RAB6D: variants seen among roughly 807,000 people sequenced by gnomAD.
The protein encoded by RAB6D is RAB6D, member RAS oncogene family.
Under a neutral mutation model 17.5 loss-of-function variants are expected in RAB6D, and 11 were observed. The observed-to-expected ratio is 0.63, with a 90% CI of 0.39 to 1.04. RAB6D has a LOEUF of 1.04. Among genes scored for constraint, RAB6D ranks in the 50% least tolerant of loss-of-function variants. RAB6D has a pLI of 0.00. For missense variants in RAB6D, 163 were observed against 315.1 expected (o/e 0.52, Z 3.65); for synonymous variants, 68 against 122.6 (o/e 0.55, Z 2.94).
rs1453935455 is a variant in RAB6D, at chr2:131,361,286, T to C, written c.*1670A>G. 6.0e-6 allele frequency: 1 copy of C among 167,060 alleles called. No homozygotes were observed. Among genetic ancestry groups the C allele is most frequent in the South Asian group, 2.1e-4 (1 of 4,824 alleles). 10.3% of individuals were successfully genotyped at this position (167,060 alleles called of 1,614,324 possible). A position where few individuals can be genotyped will look rare whatever the true frequency, so the allele number is the denominator to read the frequency against. ...ATCTGTAAGCATTTCTCTATTCAGA[T>C]CCATAATCCAAGTGCTCTCTGAATA... On this transcript the variant is annotated 3_prime_UTR_variant, in exon 1 of 1. Transcript: ENST00000623617.
rs1409324472 is a variant in RAB6D, at chr2:131,362,418, GTA to G, written c.*536_*537del. ...ATGTTCTGCTACTTATAAGTACTCA[GTA>G]TGTTCTTTAGGACTCATTTTGAAGA... On this transcript the variant is annotated 3_prime_UTR_variant, in exon 1 of 1. Transcript: ENST00000623617. The G allele has an allele frequency of 5.8e-6, 1 of 172,852 alleles. No homozygotes were observed. The highest frequency in any genetic ancestry group is 1.4e-5 in the Non-Finnish European group (1 of 71,228). 10.7% of individuals were successfully genotyped at this position (172,852 alleles called of 1,614,324 possible). A position where few individuals can be genotyped will look rare whatever the true frequency, so the allele number is the denominator to read the frequency against.
rs1703422786 is a variant in RAB6D at position 131,361,421 on chromosome 2, T to C, written c.*1535A>G. 1.2e-5 allele frequency: 2 copies of C among 167,110 alleles called. No homozygotes were observed. The highest frequency in any genetic ancestry group is 4.8e-5 in the African/African-American group (2 of 41,462). The allele number at this position is 167,110 out of a possible 1,614,324, so 10.4% of individuals were successfully genotyped here. A position where few individuals can be genotyped will look rare whatever the true frequency, so the allele number is the denominator to read the frequency against. ...ATGAGGGGATGAGGAAGTATGAAGATATTTTTGTTGTCTTTTCATCTTTAT... is the reference window on the plus strand; with the variant it reads ...ATGAGGGGATGAGGAAGTATGAAGACATTTTTGTTGTCTTTTCATCTTTAT... On this transcript the variant is annotated 3_prime_UTR_variant, in exon 1 of 1. Coordinates refer to ENST00000623617, the MANE Select transcript of RAB6D (RefSeq NM_001077637.3).
Position 131,363,434 on chromosome 2 carries a change from G to T in RAB6D, c.287C>A (p.Thr96Lys). The T allele has an allele frequency of 6.2e-7, 1 of 1,612,396 alleles. No individual in the cohort carries two copies. Among genetic ancestry groups the T allele is most frequent in the Middle Eastern group, 1.7e-4 (1 of 6,056 alleles). The stretch of plus-strand genomic sequence containing the variant: ...AGTTTGCTGGAATGAGTTAACATTT[G>T]TGATATCGTAAACTACTACAGCTGC... ...SAAAVVVYDI[T>K]NVNSFQQTTK... Residue 96 changes from threonine (T) to lysine (K), a missense_variant, in exon 1 of 1, where the codon ACA becomes AAA. Physicochemically the swap from Thr to Lys is moderately conservative, Grantham distance 78. Coordinates refer to ENST00000623617, the MANE Select transcript of RAB6D (RefSeq NM_001077637.3).
chr2:131,362,603 A>G lies in RAB6D; in HGVS notation c.*353T>C, dbSNP rs1703437566. The G allele has an allele frequency of 9.5e-6, 2 of 210,000 alleles. No individual in the cohort carries two copies. Among genetic ancestry groups the G allele is most frequent in the South Asian group, 1.1e-4 (1 of 9,490 alleles). The allele number at this position is 210,000 out of a possible 1,614,324, so 13.0% of individuals were successfully genotyped here. Reference sequence around the variant, plus strand: ...GTGGTATCTGTAAAATTAAAGGATAATTCCAGTGGGCTTGGTCGGACTGCT... The same window carrying G: ...GTGGTATCTGTAAAATTAAAGGATAGTTCCAGTGGGCTTGGTCGGACTGCT... On this transcript the variant is annotated 3_prime_UTR_variant, in exon 1 of 1. Transcript: ENST00000623617.
rs1404003437 is a variant in RAB6D, at chr2:131,363,176, T to C, written c.545A>G (p.Asp182Gly). 5.0e-6 allele frequency: 8 copies of C among 1,611,808 alleles called. No individual in the cohort carries two copies. The highest frequency in any genetic ancestry group is 1.3e-5 in the African/African-American group (1 of 74,302). Residue 182 changes from aspartate (D) to glycine (G), a missense_variant, in exon 1 of 1, where the codon GAC becomes GGC. Asp to Gly is a moderately conservative substitution (Grantham distance 94). Transcript: ENST00000623617. ...GTCACTCATGTCTTCTCTGCTTCCG[T>C]CCTGTGTGCTTTCCATTCCCGGCAA... Reference protein sequence around the residue: ...AALPGMESTQDGSREDMSDIK... With the variant: ...AALPGMESTQGGSREDMSDIK...
chr2:131,361,750 A>G lies in RAB6D; in HGVS notation c.*1206T>C, dbSNP rs1181148568. 6.0e-6 allele frequency: 1 copy of G among 167,114 alleles called. No homozygotes were observed. The highest frequency in any genetic ancestry group is 6.5e-5 in the Admixed American group (1 of 15,292). 10.4% of individuals were successfully genotyped at this position (167,114 alleles called of 1,614,324 possible). ...AAAAAAGATTAATCGTAGCTTAAATATAAAACTAAATCATTAGTTAATTAA... is the reference window on the plus strand; with the variant it reads ...AAAAAAGATTAATCGTAGCTTAAATGTAAAACTAAATCATTAGTTAATTAA... On this transcript the variant is annotated 3_prime_UTR_variant, in exon 1 of 1. Transcript: ENST00000623617.
rs1703439782 is a variant in RAB6D, at chr2:131,362,806, C to G, written c.*150G>C. 1.7e-5 allele frequency: 17 copies of G among 996,658 alleles called. No homozygotes were observed. The highest frequency in any genetic ancestry group is 2.5e-5 in the Non-Finnish European group (17 of 687,778). The allele number at this position is 996,658 out of a possible 1,614,324, so 61.7% of individuals were successfully genotyped here. ...TTGAGATTTCCATCATTTTGAAGTA[C>G]ATTATCATAACATTAAAAAAGAAAA... On this transcript the variant is annotated 3_prime_UTR_variant, in exon 1 of 1. Coordinates refer to ENST00000623617, the MANE Select transcript of RAB6D (RefSeq NM_001077637.3).
Position 131,362,000 on chromosome 2 carries a change from C to A in RAB6D, c.*956G>T, listed in dbSNP as rs1156992801. 2.4e-5 allele frequency: 4 copies of A among 167,026 alleles called. No homozygotes were observed. The highest frequency in any genetic ancestry group is 1.9e-4 in the East Asian group (1 of 5,196). 10.3% of individuals were successfully genotyped at this position (167,026 alleles called of 1,614,324 possible). On this transcript the variant is annotated 3_prime_UTR_variant, in exon 1 of 1. Transcript: ENST00000623617. The stretch of plus-strand genomic sequence containing the variant: ...AAATGTCCTGAGCAAAGTTTTTGCT[C>A]TTCTGCTGAGGGTTCTTTTGTTGGT...
rs1312627802 is a variant in RAB6D, at chr2:131,361,686, G to A, written c.*1270C>T. On this transcript the variant is annotated 3_prime_UTR_variant, in exon 1 of 1. Coordinates refer to ENST00000623617, the MANE Select transcript of RAB6D (RefSeq NM_001077637.3). ...AGATTCAACGAAACATCTAAAAATT[G>A]AAAGTTGTTAAAAAAAAAGCAAAGA... 4.2e-5 allele frequency: 4 copies of A among 96,006 alleles called. No individual in the cohort carries two copies. The highest frequency in any genetic ancestry group is 1.3e-4 in the Non-Finnish European group (4 of 30,198). 5.9% of individuals were successfully genotyped at this position (96,006 alleles called of 1,614,324 possible).
Position 131,362,775 on chromosome 2 carries a change from A to T in RAB6D, c.*181T>A. ...ACTGCTCGTTAACCAAGCCATACTC[A>T]TACTGTTGAGATTTCCATCATTTTG... is the stretch of plus-strand genomic sequence containing the variant. On this transcript the variant is annotated 3_prime_UTR_variant, in exon 1 of 1. Transcript: ENST00000623617. The T allele has an allele frequency of 1.6e-6, 1 of 637,716 alleles. No homozygotes were observed. The highest frequency in any genetic ancestry group is 2.8e-5 in the East Asian group (1 of 36,030). The allele number at this position is 637,716 out of a possible 1,614,324, so 39.5% of individuals were successfully genotyped here.
rs758521041 is a variant in RAB6D at position 131,363,138 on chromosome 2, T to C, written c.583A>G (p.Lys195Glu). ...TCGCTGACTGTTTGCTCCTGAGGCT[T>C]TTCCAGTTTTATGTCACTCATGTCT... ...REDMSDIKLE[K>E]PQEQTVSEGG... The change falls in exon 1 of 1, where the codon AAG becomes GAG. Residue 195 changes from lysine to glutamate, a missense_variant. This residue lies in a region of RAB6D where 144 missense variants were observed against 244.4 expected (regional missense o/e 0.59). Coordinates refer to ENST00000623617, the MANE Select transcript of RAB6D (RefSeq NM_001077637.3). 1.6e-5 allele frequency: 26 copies of C among 1,607,880 alleles called. No homozygotes were observed. The South Asian group carries it at 2.8e-4, about 17-fold the overall frequency.
In RAB6D at chr2:131,361,732, A is replaced by AT. The variant is rs1460832933; in HGVS notation, c.*1223dup. On this transcript the variant is annotated 3_prime_UTR_variant, in exon 1 of 1. Coordinates refer to ENST00000623617, the MANE Select transcript of RAB6D (RefSeq NM_001077637.3). ...AAAGAAATATCACCAAAGAAAAAAG[A>AT]TTAATCGTAGCTTAAATATAAAACT... The AT allele has an allele frequency of 6.0e-6, 1 of 167,084 alleles. No homozygotes were observed. Among genetic ancestry groups the AT allele is most frequent in the African/African-American group, 2.4e-5 (1 of 41,454 alleles). The allele number at this position is 167,084 out of a possible 1,614,324, so 10.4% of individuals were successfully genotyped here.
rs571410458 is a variant in RAB6D, at chr2:131,363,966, T to G, written c.-246A>C. ...GCGGCTGGGAAGGGAAGGAGGGCGG[T>G]GTCGGCAGGAGCCAGGGGTGTGCTT... On this transcript the variant is annotated 5_prime_UTR_variant, in exon 1 of 1. Transcript: ENST00000623617. 2 of 631,218 alleles carry G rather than the reference T, an allele frequency of 3.2e-6. No individual in the cohort carries two copies. Among genetic ancestry groups the G allele is most frequent in the East Asian group, 5.5e-5 (2 of 36,108 alleles). 39.1% of individuals were successfully genotyped at this position (631,218 alleles called of 1,614,324 possible).
In RAB6D at chr2:131,362,806, C is replaced by T; in HGVS notation, c.*150G>A. Reference sequence around the variant, plus strand: ...TTGAGATTTCCATCATTTTGAAGTACATTATCATAACATTAAAAAAGAAAA... The same window carrying T: ...TTGAGATTTCCATCATTTTGAAGTATATTATCATAACATTAAAAAAGAAAA... On this transcript the variant is annotated 3_prime_UTR_variant, in exon 1 of 1. Coordinates refer to ENST00000623617, the MANE Select transcript of RAB6D (RefSeq NM_001077637.3). The T allele has an allele frequency of 3.0e-6, 3 of 996,658 alleles. No individual in the cohort carries two copies. The highest frequency in any genetic ancestry group is 1.6e-5 in the African/African-American group (1 of 60,844). 61.7% of individuals were successfully genotyped at this position (996,658 alleles called of 1,614,324 possible). A position where few individuals can be genotyped will look rare whatever the true frequency, so the allele number is the denominator to read the frequency against.
At position 131,361,116 on chromosome 2, in the gene RAB6D, G is replaced by C. The variant is rs1441503282; in HGVS notation, c.*1840C>G. Reference sequence around the variant, plus strand: ...TAAAGAGTATGACCCATCTGCCACAGTGAATCAATATTTATTTCAGGACAT... The same window carrying C: ...TAAAGAGTATGACCCATCTGCCACACTGAATCAATATTTATTTCAGGACAT... On this transcript the variant is annotated 3_prime_UTR_variant, in exon 1 of 1. Transcript: ENST00000623617. 3 of 167,084 alleles carry C rather than the reference G, an allele frequency of 1.8e-5. No homozygotes were observed. The highest frequency in any genetic ancestry group is 4.4e-5 in the Non-Finnish European group (3 of 68,108). The allele number at this position is 167,084 out of a possible 1,614,324, so 10.4% of individuals were successfully genotyped here. A position where few individuals can be genotyped will look rare whatever the true frequency, so the allele number is the denominator to read the frequency against.
Position 131,362,821 on chromosome 2 carries a change from A to T in RAB6D, c.*135T>A. On this transcript the variant is annotated 3_prime_UTR_variant, in exon 1 of 1. Coordinates refer to ENST00000623617, the MANE Select transcript of RAB6D (RefSeq NM_001077637.3). ...TTTTGAAGTACATTATCATAACATT[A>T]AAAAAGAAAAAAAATGTTAAGAAAA... 1 of 1,304,332 alleles carries T rather than the reference A, an allele frequency of 7.7e-7. No individual in the cohort carries two copies. Among genetic ancestry groups the T allele is most frequent in the South Asian group, 1.6e-5 (1 of 63,440 alleles). The allele number at this position is 1,304,332 out of a possible 1,614,324, so 80.8% of individuals were successfully genotyped here.
At position 131,362,952 on chromosome 2, in the gene RAB6D, T is replaced by C. The variant is rs759911615; in HGVS notation, c.*4A>G. ...ACTTTTTTTGTGCTTGTCAAGCTAA[T>C]AGATCATCTCCACGAGACAGGCAGC... is the stretch of plus-strand genomic sequence containing the variant. On this transcript the variant is annotated 3_prime_UTR_variant, in exon 1 of 1. Coordinates refer to ENST00000623617, the MANE Select transcript of RAB6D (RefSeq NM_001077637.3). The C allele has an allele frequency of 1.6e-5, 25 of 1,606,140 alleles. 1 individual carries two copies. The South Asian group carries it at 2.3e-4, about 15-fold the overall frequency.
rs1017303346 is a variant in RAB6D at position 131,361,785 on chromosome 2, A to G, written c.*1171T>C. 4 of 167,102 alleles carry G rather than the reference A, an allele frequency of 2.4e-5. No individual in the cohort carries two copies. Among genetic ancestry groups the G allele is most frequent in the African/African-American group, 9.6e-5 (4 of 41,458 alleles). The allele number at this position is 167,102 out of a possible 1,614,324, so 10.4% of individuals were successfully genotyped here. ...ATCATTAGTTAATTAAACTATACAG[A>G]TCTCATACAAACGAAAACCAGCCTG... On this transcript the variant is annotated 3_prime_UTR_variant, in exon 1 of 1. Transcript: ENST00000623617.
In RAB6D at chr2:131,364,113, T is replaced by TTCGGATTCCCCAGCCGCCGCCGCC. The variant is rs1703470885; in HGVS notation, c.-394_-393insGGCGGCGGCGGCTGGGGAATCCGA. ...ATCTGGGATCTCTCACGCGCGGCGC[T>TTCGGATTCCCCAGCCGCCGCCGCC]TCGGCTTCCCCAGCCGCCGCCGCCG... On this transcript the variant is annotated 5_prime_UTR_variant, in exon 1 of 1. Transcript: ENST00000623617. The TTCGGATTCCCCAGCCGCCGCCGCC allele has an allele frequency of 1.5e-5, 3 of 201,102 alleles. No individual in the cohort carries two copies. Among genetic ancestry groups the TTCGGATTCCCCAGCCGCCGCCGCC allele is most frequent in the Admixed American group, 5.6e-5 (1 of 17,902 alleles). The allele number at this position is 201,102 out of a possible 1,614,324, so 12.5% of individuals were successfully genotyped here. A position where few individuals can be genotyped will look rare whatever the true frequency, so the allele number is the denominator to read the frequency against.
Sources: allele counts gnomAD v4.1 joint callset, GRCh38; gene constraint gnomAD v4.1.1; regional missense constraint gnomAD v4.1.1; transcripts MANE v1.5; gene names NCBI Gene and HGNC (gene_info 2026-07-23, HGNC 2026-07-21).